The following PCDHGA1 variants were observed in gnomAD, a reference collection of about 807,000 sequenced individuals.
PCDHGA1 encodes protocadherin gamma subfamily A, 1.
Under a neutral mutation model 58.0 loss-of-function variants are expected in PCDHGA1, and 32 were observed. That is an observed-to-expected ratio of 0.55 (90% CI 0.42 to 0.74). The LOEUF is 0.74. Among genes scored for constraint, PCDHGA1 ranks in the 30% least tolerant of loss-of-function variants. The probability of loss-of-function intolerance (pLI) is 0.00; values close to 1 mark genes in which losing one functional copy is unlikely to be tolerated. For synonymous variants in PCDHGA1, 498 were observed against 501.1 expected, an observed-to-expected ratio of 0.99 and a Z score of 0.08; for missense variants, 1,205 against 1,182.3, an observed-to-expected ratio of 1.02 and a Z score of -0.28.
rs558609501 is a variant in PCDHGA1, at chr5:141,487,648, G to C, written c.2422-7159G>C. On this transcript the variant is annotated intron_variant, in intron 1 of 3. Coordinates refer to ENST00000517417, the MANE Select transcript of PCDHGA1 (RefSeq NM_018912.3). This position sits in a 1 kb window ranked among gnomAD's most constrained non-coding sequence, Gnocchi z 5.0. ...CTTTGCAGGCTCAACAAATGCTTGA[G>C]GGTTATTCTGATCCAGGCATATGGC... is the stretch of plus-strand genomic sequence containing the variant. 34 of 1,613,904 alleles carry C rather than the reference G, an allele frequency of 2.1e-5. 1 individual carries two copies. The South Asian group carries it at 3.6e-4, about 17-fold the overall frequency.
At chr5:141,494,654 G>A in intron 1 of PCDHGA1, 153 bp from the exon 2 acceptor site, 1 of 966,640 alleles carries the variant, frequency 1.0e-6, no homozygotes, top group South Asian at 4.8e-5. Context: ...GGTGTATTTT[G>A]TCTTTGGAGA....
Position 141,384,065 on chromosome 5 carries a change from A to G in PCDHGA1, c.2421+50960A>G, listed in dbSNP as rs1209284047. ...GAGGTGACCTGCACCATTCCAGAAAACCTACCTTTTAAATTAGAAAAATCA... is the reference window on the plus strand; with the variant it reads ...GAGGTGACCTGCACCATTCCAGAAAGCCTACCTTTTAAATTAGAAAAATCA... On this transcript the variant is annotated intron_variant, in intron 1 of 3. Transcript: ENST00000517417. 2 of 1,607,382 alleles carry G rather than the reference A, an allele frequency of 1.2e-6. No individual in the cohort carries two copies. The highest frequency in any genetic ancestry group is 1.7e-5 in the Admixed American group (1 of 58,998).
chr5:141,408,568 G>A (rs1282391205), intron 1 of PCDHGA1: 2 of 1,613,936 alleles, frequency 1.2e-6, no homozygotes, highest in African/African-American at 2.7e-5. Flanking sequence ...TCATTGTGGT[G>A]ATTGAGGATG....
chr5:141,415,040 C>A (rs772941952), intron 1 of PCDHGA1: 3 of 1,613,520 alleles, frequency 1.9e-6, no homozygotes, highest in Non-Finnish European at 2.5e-6. Flanking sequence ...GGACTCTTCG[C>A]GGTGGGGGAG....
Position 141,476,758 on chromosome 5 carries a change from G to A in PCDHGA1, c.2422-18049G>A. On this transcript the variant is annotated intron_variant, in intron 1 of 3. Transcript: ENST00000517417. The surrounding 1 kb of genome is among the most constrained non-coding windows in gnomAD (Gnocchi z 7.6). Reference sequence around the variant, plus strand: ...GGGAGCCTAGTCTCCAGTTAGTGCTGACGGCGTTGGACGGAGGGACCCCAG... The same window carrying A: ...GGGAGCCTAGTCTCCAGTTAGTGCTAACGGCGTTGGACGGAGGGACCCCAG... 1 of 1,613,868 alleles carries A rather than the reference G, an allele frequency of 6.2e-7. No homozygotes were observed. The highest frequency in any genetic ancestry group is 1.1e-5 in the South Asian group (1 of 91,086).
intron 1 of PCDHGA1, chr5:141,355,492 A>G: frequency 6.2e-7 from 1 of 1,614,090 alleles, no homozygotes; most frequent in Non-Finnish European, 8.5e-7. Context: ...GCTCTGCGAC[A>G]GATCTCCAAA....
intron 1 of PCDHGA1, chr5:141,388,455 T>C: frequency 6.2e-7 from 1 of 1,613,784 alleles, no homozygotes; most frequent in South Asian, 1.1e-5. Flanking sequence ...TGGCAGTAAA[T>C]ACCCTGAGAT....
At chr5:141,356,895 C>T in intron 1 of PCDHGA1, 1 of 1,614,228 alleles carries the variant, frequency 6.2e-7, no homozygotes. Context: ...TCCTGTACCC[C>T]ACCTTCCCTA....
At chr5:141,422,886 G>A in intron 1 of PCDHGA1, 1 of 1,614,260 alleles carries the variant, frequency 6.2e-7, no homozygotes, top group Non-Finnish European at 8.5e-7. Flanking sequence ...GCCTGTTCGT[G>A]CTGGACCAGA....
At chr5:141,373,491 C>T (rs975077178) in intron 1 of PCDHGA1, among the ~76,000 whole-genome samples, 1 of 152,180 alleles carries the variant, frequency 6.6e-6, no homozygotes, top group Non-Finnish European at 1.5e-5. Context: ...CCCCTGCACT[C>T]TAGCCTGGGA....
intron 3 of PCDHGA1, among the ~76,000 whole-genome samples, chr5:141,506,444 C>T (rs542906499): frequency 2.1e-5 from 2 of 95,022 alleles, no homozygotes; most frequent in South Asian, 3.6e-4. Flanking sequence ...CGCTCTGTCT[C>T]AAAAAAAAAA....
intron 1 of PCDHGA1, chr5:141,442,507 G>C (rs1394231840): frequency 1.3e-5 from 2 of 152,208 alleles, no homozygotes; most frequent in Non-Finnish European, 1.5e-5. Flanking sequence ...TATTCTAATT[G>C]CTTGGGCAGA....
chr5:141,383,970 T>A (rs754557705), intron 1 of PCDHGA1: 1 of 1,613,730 alleles, frequency 6.2e-7, no homozygotes, highest in Admixed American at 1.7e-5. Context: ...GCTCAATCCC[T>A]GAAGACACAC....
In PCDHGA1 at chr5:141,393,936, G is replaced by A. The variant is rs766829273; in HGVS notation, c.2421+60831G>A. On this transcript the variant is annotated intron_variant, in intron 1 of 3. Transcript: ENST00000517417. ...TGCCTTCTTGAGTGTGCATGACCAA[G>A]ACTCTGGAAAGAATGGTCAAGTTGT... 3 of 1,613,922 alleles carry A rather than the reference G, an allele frequency of 1.9e-6. No homozygotes were observed. In the Admixed American group the frequency reaches 5.0e-5, roughly 27 times the overall value.
chr5:141,486,105 A>C lies in PCDHGA1; in HGVS notation c.2422-8702A>C. The stretch of plus-strand genomic sequence containing the variant: ...ACTCTTTTGGGGCCCCTAGACTTTG[A>C]GAGTGAGAATTACTATGAATTTGAT... On this transcript the variant is annotated intron_variant, in intron 1 of 3. Transcript: ENST00000517417. This position sits in a 1 kb window ranked among gnomAD's most constrained non-coding sequence, Gnocchi z 5.0. The C allele has an allele frequency of 1.2e-6, 2 of 1,614,138 alleles. No individual in the cohort carries two copies. The highest frequency in any genetic ancestry group is 1.7e-6 in the Non-Finnish European group (2 of 1,180,016).
At chr5:141,357,440 G>C in intron 1 of PCDHGA1, 1 of 1,614,198 alleles carries the variant, frequency 6.2e-7, no homozygotes, top group Non-Finnish European at 8.5e-7. Flanking sequence ...GACGGGGTTC[G>C]GGCTTTCCTG....
chr5:141,385,045 C>A, intron 1 of PCDHGA1: 1 of 1,614,178 alleles, frequency 6.2e-7, no homozygotes, highest in Non-Finnish European at 8.5e-7. Context: ...GGCGCTCAGG[C>A]TGCGGCGCTG....
In PCDHGA1 at chr5:141,512,848, G is replaced by C. The variant is rs1362051688; in HGVS notation, c.*1675G>C. The C allele has an allele frequency of 6.6e-6, 1 of 152,216 alleles. No individual in the cohort carries two copies. 9.4% of individuals were successfully genotyped at this position (152,216 alleles called of 1,614,324 possible). ...CCCCGTACTGACTTCTCCTATAAGC[G>C]CTTCTCTTCGCATAGTCACGTAGCT... On this transcript the variant is annotated 3_prime_UTR_variant, in exon 4 of 4. Transcript: ENST00000517417.
intron 1 of PCDHGA1, chr5:141,422,668 G>A: frequency 6.2e-7 from 1 of 1,607,686 alleles, no homozygotes; most frequent in Non-Finnish European, 8.5e-7. Context: ...CCTCGACCCG[G>A]ACAGCAAACA....
Sources: allele counts gnomAD v4.1 joint callset (sites outside exome capture counted in the v4.1 genomes callset), GRCh38; gene constraint gnomAD v4.1.1; non-coding constraint Gnocchi (gnomAD v3.1); transcripts MANE v1.5; gene names NCBI Gene and HGNC (gene_info 2026-07-23, HGNC 2026-07-21).